Variants in CCDC38 observed in about 807,000 individuals in gnomAD.
The protein encoded by CCDC38 is coiled-coil domain-containing protein 38.
Under a neutral mutation model 72.8 loss-of-function variants are expected in CCDC38, and 69 were observed. The ratio of observed to expected loss-of-function variants is 0.95; its 90% CI spans 0.78 to 1.16. CCDC38 has a LOEUF of 1.16. CCDC38 is among the 50% of genes most tolerant of loss of function. The pLI is 0.00. For synonymous variants in CCDC38, 201 were observed against 213.2 expected, an observed-to-expected ratio of 0.94 and a Z score of 0.50; for missense variants, 626 against 638.9, an observed-to-expected ratio of 0.98 and a Z score of 0.22.
intron 2 of CCDC38, among the ~76,000 whole-genome samples, chr12:95,924,618 C>T (rs1175671981): frequency 6.6e-6 from 1 of 151,122 alleles, no homozygotes; most frequent in African/African-American, 2.4e-5. Context: ...CTTGCCCACG[C>T]CTATGTCCTG....
At chr12:95,908,452 AGG>A (rs1173705124) in intron 4 of CCDC38, among the ~76,000 whole-genome samples, 4 of 216 alleles carry the variant, frequency 0.019, no homozygotes, top group Admixed American at 0.25. Context: ...AAAGAGGGAG[AGG>A]GAGAGGGAGA....
chr12:95,898,965 C>T (rs1592775905), intron 5 of CCDC38, among the ~76,000 whole-genome samples: 2 of 152,102 alleles, frequency 1.3e-5, no homozygotes, highest in Admixed American at 1.3e-4. Flanking sequence ...AGGGCTCTGC[C>T]CTACAAATAA....
At chr12:95,912,921 C>A (rs775080206) in intron 4 of CCDC38, among the ~76,000 whole-genome samples, 7 of 151,842 alleles carry the variant, frequency 4.6e-5, no homozygotes, top group Admixed American at 4.6e-4. Flanking sequence ...ATTAGCCAGG[C>A]GTGGTCGTGT....
At chr12:95,934,974 C>T (rs1010473598) in intron 2 of CCDC38, 1 of 152,202 alleles carries the variant, frequency 6.6e-6, no homozygotes, top group Non-Finnish European at 1.5e-5. Context: ...TGCCACTGCA[C>T]TTCAGCTTGG....
chr12:95,924,209 T>C (rs1246337449), intron 2 of CCDC38, among the ~76,000 whole-genome samples: 3 of 123,538 alleles, frequency 2.4e-5, no homozygotes, highest in African/African-American at 9.9e-5. Context: ...CACCTGTTGT[T>C]TCCTGACTTT....
At chr12:95,898,058 TA>T (rs528405398) in intron 7 of CCDC38, among the ~76,000 whole-genome samples, 76 of 152,192 alleles carry the variant, frequency 5.0e-4, no homozygotes, top group African/African-American at 1.8e-3. Flanking sequence ...CAGACTAAAC[TA>T]AAAATATAAA....
intron 5 of CCDC38, among the ~76,000 whole-genome samples, chr12:95,900,935 T>A (rs747653987): frequency 6.6e-6 from 1 of 152,142 alleles, no homozygotes; most frequent in African/African-American, 2.4e-5. Flanking sequence ...GAAAGAGTGA[T>A]AGGAGTGAGG....
intron 9 of CCDC38, 71 bp downstream of exon 9, chr12:95,890,761 G>C: frequency 1.1e-6 from 1 of 918,414 alleles, no homozygotes; most frequent in Non-Finnish European, 1.7e-6. Context: ...TTGGCTTGTA[G>C]TCCTCTGTCT....
chr12:95,921,733 G>C (rs1416402844), intron 2 of CCDC38, among the ~76,000 whole-genome samples: 1 of 113,952 alleles, frequency 8.8e-6, no homozygotes, highest in Non-Finnish European at 1.7e-5. Flanking sequence ...GCCTGGAGTT[G>C]ACACCTTAAA....
At chr12:95,927,174 T>C (rs1167002135) in intron 2 of CCDC38, among the ~76,000 whole-genome samples, 1 of 152,044 alleles carries the variant, frequency 6.6e-6, no homozygotes, top group African/African-American at 2.4e-5. Context: ...TGTGTGGGAG[T>C]CTAAGTCTCT....
At chr12:95,871,471 A>G (rs1292295217) in intron 14 of CCDC38, among the ~76,000 whole-genome samples, 1 of 152,132 alleles carries the variant, frequency 6.6e-6, no homozygotes, top group African/African-American at 2.4e-5. Flanking sequence ...TCCCCTACAG[A>G]TACCAAGGGA....
intron 2 of CCDC38, chr12:95,919,586 T>TC (rs757144601): frequency 1.8e-4 from 80 of 455,944 alleles, no homozygotes; most frequent in Admixed American, 4.7e-5. Context: ...TCACAGCTCC[T>TC]CTGTCTGTTT....
Position 95,917,303 on chromosome 12 carries a change from G to C in CCDC38, c.139-9C>G, listed in dbSNP as rs749415589. 4.4e-6 allele frequency: 7 copies of C among 1,578,026 alleles called. No individual in the cohort carries two copies. The highest frequency in any genetic ancestry group is 5.1e-6 in the Non-Finnish European group (6 of 1,170,842). Reference sequence around the variant, plus strand: ...CGGTTCATAAATTTTTCCTGCCCAAGTGGAAAAGTTGAAAAGAATTTTTAA... The same window carrying C: ...CGGTTCATAAATTTTTCCTGCCCAACTGGAAAAGTTGAAAAGAATTTTTAA... On this transcript the variant is annotated splice_polypyrimidine_tract_variant and intron_variant, in intron 3 of 15. Transcript: ENST00000344280.
intron 7 of CCDC38, among the ~76,000 whole-genome samples, chr12:95,897,890 T>G (rs1322443775): frequency 6.6e-6 from 1 of 152,114 alleles, no homozygotes; most frequent in Non-Finnish European, 1.5e-5. Flanking sequence ...GCCCAGCAGA[T>G]CTTAGTTTTT....
intron 2 of CCDC38, among the ~76,000 whole-genome samples, chr12:95,926,754 T>C (rs1461272009): frequency 1.3e-5 from 2 of 151,718 alleles, no homozygotes; most frequent in Non-Finnish European, 2.9e-5. Context: ...TTTGTTCTCG[T>C]TGGTTTCAAA....
intron 5 of CCDC38, among the ~76,000 whole-genome samples, chr12:95,904,230 C>T (rs993718271): frequency 6.6e-6 from 1 of 152,116 alleles, no homozygotes; most frequent in African/African-American, 2.4e-5. Flanking sequence ...CATGTCCCAA[C>T]TCTGCTATAA....
At position 95,906,401 on chromosome 12, in the gene CCDC38, T is replaced by C. The variant is rs145671956; in HGVS notation, c.355A>G (p.Arg119Gly). 3.5e-5 allele frequency: 57 copies of C among 1,612,466 alleles called. No homozygotes were observed. In the Middle Eastern group the frequency reaches 9.9e-4, roughly 28 times the overall value. The change falls in exon 5 of 16, where the codon AGG (arginine) becomes GGG (glycine). Residue 119 changes from arginine (R) to glycine (G), a missense_variant. Coordinates refer to ENST00000344280, the MANE Select transcript of CCDC38 (RefSeq NM_182496.3). ...VHEFINDQRD[R>G]FLLEYALSTK... ...ATTTTTACTACCTCGAGCAGAAACC[T>C]GTCTCTCTGGTCATTAATAAATTCA...
At position 95,917,301 on chromosome 12, in the gene CCDC38, A is replaced by C. The variant is rs773405764; in HGVS notation, c.139-7T>G. 1.8e-5 allele frequency: 29 copies of C among 1,579,598 alleles called. No individual in the cohort carries two copies. Among genetic ancestry groups the C allele is most frequent in the South Asian group, 1.8e-4 (15 of 83,166 alleles). The stretch of plus-strand genomic sequence containing the variant: ...TACGGTTCATAAATTTTTCCTGCCC[A>C]AGTGGAAAAGTTGAAAAGAATTTTT... On this transcript the variant is annotated splice_region_variant and splice_polypyrimidine_tract_variant and intron_variant, in intron 3 of 15. Transcript: ENST00000344280.
At position 95,872,396 on chromosome 12, in the gene CCDC38, G is replaced by A; in HGVS notation, c.1343C>T (p.Ala448Val). The A allele has an allele frequency of 6.2e-7, 1 of 1,614,104 alleles. No individual in the cohort carries two copies. The highest frequency in any genetic ancestry group is 8.5e-7 in the Non-Finnish European group (1 of 1,179,990). Residue 448 changes from alanine to valine, a missense_variant, in exon 14 of 16, where the codon GCT (alanine) becomes GTT (valine). Physicochemically the swap from Ala to Val is moderately conservative, Grantham distance 64. Transcript: ENST00000344280. ...AATTGGGTTGAGGCCGTCATCCTCA[G>A]CATCTCCAATGCAGACTTTGTATAC... ...TQVYKVCIGD[A>V]EDDGLNPIQK...
Sources: gnomAD v4.1 joint callset for allele counts (sites outside exome capture counted in the v4.1 genomes callset) on GRCh38, gnomAD v4.1.1 for gene constraint, MANE v1.5 for transcripts, NCBI Gene and HGNC (gene_info 2026-07-23, HGNC 2026-07-21) for gene names.